HTR2C: variants seen among roughly 807,000 people sequenced by gnomAD.
The protein encoded by HTR2C is 5-hydroxytryptamine receptor 2C, also known as 5-hydroxytryptamine (serotonin) receptor 2C, G protein-coupled.
In HTR2C, 5 loss-of-function variants were observed where a neutral mutation model predicts 21.0. That is an observed-to-expected ratio of 0.24 (90% confidence interval 0.12 to 0.50). The LOEUF (loss-of-function observed/expected upper bound fraction) is 0.50, where lower values mean the gene tolerates loss of function less well. Among genes scored for constraint, HTR2C ranks in the 20% least tolerant of loss-of-function variants. The probability of loss-of-function intolerance (pLI) is 0.98; values close to 1 mark genes in which losing one functional copy is unlikely to be tolerated. For missense variants in HTR2C, 271 were observed against 371.2 expected (o/e 0.73, Z 2.22); for synonymous variants, 150 against 145.3 (o/e 1.03, Z -0.23).
chrX:114,675,379 C>T (rs1425013289), intron 2 of HTR2C, among the ~76,000 whole-genome samples: 1 of 112,015 alleles, frequency 8.9e-6, no homozygotes, highest in African/African-American at 3.2e-5. Context: ...AGTAGTACAT[C>T]CTTCTAAAAT....
At chrX:114,892,023 T>C (rs1276948194) in intron 5 of HTR2C, among the ~76,000 whole-genome samples, 1 of 111,301 alleles carries the variant, frequency 9.0e-6, no homozygotes, top group African/African-American at 3.3e-5. Flanking sequence ...AATCTAGAGA[T>C]TAAACCCCCA....
chrX:114,868,463 G>C (rs1275781662), intron 5 of HTR2C, among the ~76,000 whole-genome samples: 1 of 110,505 alleles, frequency 9.0e-6, no homozygotes, highest in Non-Finnish European at 1.9e-5. Flanking sequence ...GTCCCTAGTA[G>C]AAATCCATAG....
At chrX:114,607,962 G>T (rs1928539062) in intron 1 of HTR2C, among the ~76,000 whole-genome samples, 1 of 111,082 alleles carries the variant, frequency 9.0e-6, no homozygotes, top group Admixed American at 9.6e-5. Flanking sequence ...ACTCCAACCT[G>T]GGCAACAGAA....
At chrX:114,880,686 T>C (rs2147518794) in intron 5 of HTR2C, among the ~76,000 whole-genome samples, 1 of 111,500 alleles carries the variant, frequency 9.0e-6, no homozygotes, top group Non-Finnish European at 1.9e-5. Flanking sequence ...ATGTAATATG[T>C]AGTCTTACGT....
chrX:114,584,955 G>A (rs1278147974), intron 1 of HTR2C, among the ~76,000 whole-genome samples: 1 of 102,442 alleles, frequency 9.8e-6, no homozygotes, highest in East Asian at 3.1e-4. Context: ...CTGGCGCGGG[G>A]GAAGCCGAGA....
At chrX:114,805,489 G>C (rs1556448420) in intron 4 of HTR2C, among the ~76,000 whole-genome samples, 1 of 93,028 alleles carries the variant, frequency 1.1e-5, no homozygotes, top group Non-Finnish European at 2.1e-5. Context: ...AAATTTTGGT[G>C]GGTACATTGT....
At chrX:114,806,975 C>CCA (rs2070462028) in intron 4 of HTR2C, among the ~76,000 whole-genome samples, 1 of 98,769 alleles carries the variant, frequency 1.0e-5, no homozygotes, top group South Asian at 4.5e-4. Context: ...ACCATATATA[C>CCA]CATATATATA....
intron 5 of HTR2C, among the ~76,000 whole-genome samples, chrX:114,885,477 A>AT (rs1556481037): frequency 9.0e-6 from 1 of 111,673 alleles, no homozygotes; most frequent in African/African-American, 3.2e-5. Flanking sequence ...CTGTAATTAG[A>AT]TTTTTTAAAA....
chrX:114,782,486 G>A (rs984516435), intron 4 of HTR2C, among the ~76,000 whole-genome samples: 2 of 111,550 alleles, frequency 1.8e-5, no homozygotes, highest in African/African-American at 3.3e-5. Context: ...GGAGGCCAAC[G>A]TGGGAGGAAT....
At chrX:114,812,761 A>C (rs1415940306) in intron 4 of HTR2C, among the ~76,000 whole-genome samples, 14 of 108,128 alleles carry the variant, frequency 1.3e-4, no homozygotes, top group African/African-American at 4.7e-4. Flanking sequence ...AACAAAAAAA[A>C]AAACAAAAAA....
intron 2 of HTR2C, among the ~76,000 whole-genome samples, chrX:114,662,120 G>A (rs1177986342): frequency 5.4e-5 from 6 of 111,126 alleles, no homozygotes; most frequent in African/African-American, 1.6e-4. Context: ...TTCAATATTC[G>A]GTAGGAATAC....
At chrX:114,722,910 G>A (rs1480028325) in intron 2 of HTR2C, among the ~76,000 whole-genome samples, 23 of 109,562 alleles carry the variant, frequency 2.1e-4, no homozygotes, top group East Asian at 5.7e-4. Context: ...TGCTGGATTT[G>A]GTTTGCCAGT....
chrX:114,663,994 G>A (rs782216278), intron 2 of HTR2C, among the ~76,000 whole-genome samples: 1 of 111,779 alleles, frequency 8.9e-6, no homozygotes, highest in African/African-American at 3.2e-5. Flanking sequence ...ACTGACAGGA[G>A]TGAAGGCTCA....
At chrX:114,823,420 G>A (rs935798294) in intron 4 of HTR2C, 1 of 340,150 alleles carries the variant, frequency 2.9e-6, no homozygotes, top group Non-Finnish European at 5.9e-6. Flanking sequence ...GCAGAAACTG[G>A]AACTTCATGG....
rs1194091550 is a variant in HTR2C, at chrX:114,908,146, A to G, written c.*731A>G. The G allele has an allele frequency of 8.9e-6, 1 of 112,537 alleles. No homozygotes were observed. Among genetic ancestry groups the G allele is most frequent in the Non-Finnish European group, 1.9e-5 (1 of 53,246 alleles). The allele number at this position is 112,537 out of a possible 1,213,427, so 9.3% of individuals were successfully genotyped here. ...TTTTCACTTCTTAAGGACAGTGTTCAAATTCTGATTATTACAACAAGCAAA... is the reference window on the plus strand; with the variant it reads ...TTTTCACTTCTTAAGGACAGTGTTCGAATTCTGATTATTACAACAAGCAAA... On this transcript the variant is annotated 3_prime_UTR_variant, in exon 6 of 6. Transcript: ENST00000276198.
At chrX:114,879,749 G>A (rs1377851624) in intron 5 of HTR2C, among the ~76,000 whole-genome samples, 1 of 110,865 alleles carries the variant, frequency 9.0e-6, no homozygotes, top group Non-Finnish European at 1.9e-5. Flanking sequence ...CATCCAGTTC[G>A]CTGCAAATGC....
intron 4 of HTR2C, among the ~76,000 whole-genome samples, chrX:114,749,702 A>G (rs12853568): frequency 0.027 from 2,990 of 110,520 alleles, 36 homozygotes; most frequent in Non-Finnish European, 0.043. Context: ...CACTGTTAAA[A>G]AACAAAAACA....
intron 4 of HTR2C, among the ~76,000 whole-genome samples, chrX:114,824,244 C>A (rs1484412357): frequency 9.0e-6 from 1 of 111,321 alleles, no homozygotes; most frequent in Non-Finnish European, 1.9e-5. Context: ...GGAATTCTGT[C>A]AAAAGCAAGG....
At chrX:114,764,875 C>A (rs782258483) in intron 4 of HTR2C, among the ~76,000 whole-genome samples, 79 of 44,177 alleles carry the variant, frequency 1.8e-3, no homozygotes, top group African/African-American at 6.6e-3. Context: ...ATCTTTCTTT[C>A]TTTCTTTCTT....
Sources: gnomAD v4.1 joint callset for allele counts (sites outside exome capture counted in the v4.1 genomes callset) on GRCh38, gnomAD v4.1.1 for gene constraint, MANE v1.5 for transcripts, NCBI Gene and HGNC (gene_info 2026-07-23, HGNC 2026-07-21) for gene names.